OPCML: variants seen among roughly 807,000 people sequenced by gnomAD.
OPCML encodes opioid-binding protein/cell adhesion molecule.
OPCML carries 13 observed loss-of-function variants against 37.8 expected under a neutral mutation model. The observed-to-expected ratio is 0.34, with a 90% CI of 0.22 to 0.55. OPCML has a LOEUF of 0.55. Among genes scored for constraint, OPCML ranks in the 20% least tolerant of loss-of-function variants. The pLI is 0.91. For missense variants in OPCML, 341 were observed against 435.6 expected (o/e 0.78, Z 1.93); for synonymous variants, 176 against 168.8 (o/e 1.04, Z -0.33).
At chr11:132,613,499 C>T (rs548278819) in intron 3 of OPCML, among the ~76,000 whole-genome samples, 16 of 152,250 alleles carry the variant, frequency 1.1e-4, no homozygotes, top group African/African-American at 3.9e-4. Flanking sequence ...AGGAGAATTC[C>T]GTGGGATTCT....
chr11:133,462,994 T>C (rs1404011165), intron 1 of OPCML, among the ~76,000 whole-genome samples: 1 of 151,880 alleles, frequency 6.6e-6, no homozygotes, highest in Non-Finnish European at 1.5e-5. Flanking sequence ...TGAGATATTG[T>C]CCATCCTTCA....
chr11:132,721,765 A>G (rs572926178), intron 2 of OPCML, among the ~76,000 whole-genome samples: 6 of 152,236 alleles, frequency 3.9e-5, no homozygotes, highest in Admixed American at 2.6e-4. Context: ...AAGACTGAAT[A>G]GGAAAATAAG....
chr11:133,105,579 A>T lies in OPCML; in HGVS notation c.62-162569T>A, dbSNP rs566147586. Among the ~76,000 whole-genome samples the T allele has an allele frequency of 2.3e-3, 351 of 152,352 alleles. 4 individuals are homozygous for T. The highest frequency in any genetic ancestry group is 7.8e-3 in the African/African-American group (326 of 41,582). On this transcript the variant is annotated intron_variant, in intron 1 of 7. Transcript: ENST00000524381. Reference sequence around the variant, plus strand: ...GATGGCAAGATGTGAAGATACATTCAGAATGAAAGTATTAAGACTATGACA... The same window carrying T: ...GATGGCAAGATGTGAAGATACATTCTGAATGAAAGTATTAAGACTATGACA...
chr11:133,187,438 TA>T (rs925545528), intron 1 of OPCML, among the ~76,000 whole-genome samples: 1 of 152,122 alleles, frequency 6.6e-6, no homozygotes, highest in Non-Finnish European at 1.5e-5. Context: ...CCAAAAGTTG[TA>T]GCTGTCAAAT....
intron 2 of OPCML, among the ~76,000 whole-genome samples, chr11:132,921,259 G>T (rs528252806): frequency 6.6e-6 from 1 of 152,298 alleles, no homozygotes; most frequent in Admixed American, 6.5e-5. Flanking sequence ...TCGCCTCCCT[G>T]TTTGGCTTTT....
intron 2 of OPCML, among the ~76,000 whole-genome samples, chr11:132,874,706 C>T (rs745547433): frequency 5.9e-5 from 9 of 152,092 alleles, no homozygotes; most frequent in African/African-American, 9.7e-5. Flanking sequence ...CTGCAAGAAA[C>T]CTTATGAACG....
At chr11:132,810,004 C>T (rs1006251701) in intron 2 of OPCML, among the ~76,000 whole-genome samples, 7 of 152,088 alleles carry the variant, frequency 4.6e-5, no homozygotes, top group African/African-American at 9.7e-5. Context: ...CGCCCGCCAC[C>T]ACGCCCGGCT....
At chr11:133,287,803 A>G (rs1253819573) in intron 1 of OPCML, among the ~76,000 whole-genome samples, 1 of 152,180 alleles carries the variant, frequency 6.6e-6, no homozygotes, top group Non-Finnish European at 1.5e-5. Flanking sequence ...TCCAGGTACC[A>G]TGAAGGAAAA....
chr11:132,439,515 AC>A (rs1245918381), intron 4 of OPCML, among the ~76,000 whole-genome samples: 1 of 152,226 alleles, frequency 6.6e-6, no homozygotes, highest in African/African-American at 2.4e-5. Context: ...TTATGCAAAC[AC>A]TTTCTTGCCC....
intron 1 of OPCML, among the ~76,000 whole-genome samples, chr11:133,266,917 A>T (rs1941678292): frequency 6.6e-6 from 1 of 152,170 alleles, no homozygotes; most frequent in Non-Finnish European, 1.5e-5. Flanking sequence ...AGGGCAGGTG[A>T]GATGTCTACA....
chr11:132,606,311 GA>G (rs1414368041), intron 3 of OPCML, among the ~76,000 whole-genome samples: 2 of 152,070 alleles, frequency 1.3e-5, no homozygotes, highest in African/African-American at 4.8e-5. Flanking sequence ...GCAGCCCCAG[GA>G]ACTGCCTGCT....
chr11:133,510,085 TAC>T (rs1353302695), intron 1 of OPCML, among the ~76,000 whole-genome samples: 1 of 152,152 alleles, frequency 6.6e-6, no homozygotes, highest in East Asian at 1.9e-4. Context: ...TGTGCGTCTC[TAC>T]AGTCACCCAG....
chr11:132,996,004 A>T (rs1946877579), intron 1 of OPCML, among the ~76,000 whole-genome samples: 1 of 152,134 alleles, frequency 6.6e-6, no homozygotes, highest in Non-Finnish European at 1.5e-5. Flanking sequence ...TCCATGGTGG[A>T]TGGTGATGAG....
intron 1 of OPCML, among the ~76,000 whole-genome samples, chr11:133,517,773 A>T (rs1161307504): frequency 6.6e-6 from 1 of 152,190 alleles, no homozygotes; most frequent in Non-Finnish European, 1.5e-5. Context: ...TGAAGAAGGG[A>T]GGTGAGAACT....
chr11:132,941,731 A>T (rs1945584495), intron 2 of OPCML, among the ~76,000 whole-genome samples: 1 of 152,152 alleles, frequency 6.6e-6, no homozygotes, highest in Non-Finnish European at 1.5e-5. Flanking sequence ...GGATTCTGGG[A>T]CCTGTTCTCT....
intron 2 of OPCML, among the ~76,000 whole-genome samples, chr11:132,857,381 T>G (rs1177285547): frequency 6.6e-6 from 1 of 152,202 alleles, no homozygotes; most frequent in African/African-American, 2.4e-5. Context: ...AAGAAAAAAC[T>G]AGTACATTTT....
chr11:133,433,773 G>A (rs1329070991), intron 1 of OPCML, among the ~76,000 whole-genome samples: 1 of 151,944 alleles, frequency 6.6e-6, no homozygotes, highest in African/African-American at 2.4e-5. Context: ...CCCACTTCAG[G>A]GTTTTGCCTT....
intron 1 of OPCML, among the ~76,000 whole-genome samples, chr11:133,440,172 A>G (rs748506243): frequency 6.6e-6 from 1 of 151,986 alleles, no homozygotes; most frequent in African/African-American, 2.4e-5. Flanking sequence ...AGGCAGGTGG[A>G]TTACCTGAGG....
chr11:132,976,424 GC>G (rs1290604761), intron 1 of OPCML, among the ~76,000 whole-genome samples: 1 of 152,152 alleles, frequency 6.6e-6, no homozygotes, highest in Non-Finnish European at 1.5e-5. Context: ...AAAACAGGCA[GC>G]CATTTATGAA....
Sources: allele counts gnomAD v4.1 joint callset (sites outside exome capture counted in the v4.1 genomes callset), GRCh38; gene constraint gnomAD v4.1.1; transcripts MANE v1.5; gene names NCBI Gene and HGNC (gene_info 2026-07-23, HGNC 2026-07-21).